MPPED2: variants seen among roughly 807,000 people sequenced by gnomAD.
MPPED2 encodes the protein metallophosphoesterase domain containing 2, also known as metallophosphoesterase MPPED2.
Under a neutral mutation model 33.0 loss-of-function variants are expected in MPPED2, and 5 were observed. That is an observed-to-expected ratio of 0.15 (90% confidence interval 0.08 to 0.32). MPPED2 has a LOEUF of 0.32. MPPED2 is among the 10% of genes least tolerant of loss of function. The probability of loss-of-function intolerance (pLI) is 1.00; values close to 1 mark genes in which losing one functional copy is unlikely to be tolerated. For missense variants in MPPED2, 275 were observed against 372.1 expected (o/e 0.74, Z 2.15); for synonymous variants, 136 against 141.9 (o/e 0.96, Z 0.29).
chr11:30,417,141 C>A (rs1390692440), intron 5 of MPPED2, among the ~76,000 whole-genome samples: 1 of 152,192 alleles, frequency 6.6e-6, no homozygotes, highest in Non-Finnish European at 1.5e-5. Flanking sequence ...AAATTTCCAT[C>A]ATTTCATTGC....
At chr11:30,420,379 A>G (rs777297071) in intron 4 of MPPED2, among the ~76,000 whole-genome samples, 2 of 152,242 alleles carry the variant, frequency 1.3e-5, no homozygotes, top group Non-Finnish European at 2.9e-5. Flanking sequence ...CCTCCAAAAA[A>G]ATGCAGCCCT....
downstream of MPPED2, among the ~76,000 whole-genome samples, chr11:30,408,784 C>T (rs7941828): frequency 0.3 from 45,973 of 152,018 alleles, 7,357 homozygotes; most frequent in Middle Eastern, 0.38. Context: ...TGTGACCTTA[C>T]GCAGGATTCT....
intron 3 of MPPED2, among the ~76,000 whole-genome samples, chr11:30,532,309 G>A (rs1269262080): frequency 3.3e-5 from 5 of 152,194 alleles, no homozygotes; most frequent in Non-Finnish European, 7.3e-5. Context: ...TAGGAGGTAG[G>A]ACTCCATGGC....
intron 2 of MPPED2, among the ~76,000 whole-genome samples, chr11:30,576,888 A>G (rs1273500923): frequency 1.3e-5 from 2 of 152,006 alleles, no homozygotes; most frequent in Admixed American, 6.6e-5. Context: ...TCTAAAAAAA[A>G]AAAACTTCCC....
At chr11:30,523,530 A>G (rs1459155009) in intron 3 of MPPED2, among the ~76,000 whole-genome samples, 1 of 152,062 alleles carries the variant, frequency 6.6e-6, no homozygotes, top group South Asian at 2.1e-4. Context: ...ACATCTTCCA[A>G]TAAGGCGCCT....
intron 3 of MPPED2, among the ~76,000 whole-genome samples, chr11:30,501,789 C>G (rs1489135758): frequency 6.6e-6 from 1 of 152,174 alleles, no homozygotes; most frequent in Non-Finnish European, 1.5e-5. Context: ...AATGTTAAAA[C>G]AAACACATAG....
At chr11:30,489,049 CTCCT>C (rs1565118212) in intron 4 of MPPED2, among the ~76,000 whole-genome samples, 1 of 82,106 alleles carries the variant, frequency 1.2e-5, no homozygotes, top group East Asian at 4.5e-4. Flanking sequence ...TCTTCTTCTT[CTCCT>C]TTTTTTTTTT....
chr11:30,417,756 C>A (rs1417169101), intron 4 of MPPED2, 123 bp from the exon 5 acceptor site: 2 of 630,518 alleles, frequency 3.2e-6, no homozygotes, highest in Non-Finnish European at 5.8e-6. Context: ...TGATGGTTGG[C>A]CCTGGCAGCA....
chr11:30,405,241 C>T (rs1947972038), downstream of MPPED2, among the ~76,000 whole-genome samples: 2 of 152,198 alleles, frequency 1.3e-5, no homozygotes, highest in Non-Finnish European at 2.9e-5. Flanking sequence ...AACTGAAAAG[C>T]TCAACCTATT....
intron 6 of MPPED2, among the ~76,000 whole-genome samples, chr11:30,396,215 A>G (rs1480094486): frequency 1.3e-5 from 2 of 152,154 alleles, no homozygotes; most frequent in African/African-American, 4.8e-5. Flanking sequence ...TTCATGGACA[A>G]TATAACCTTG....
intron 1 of MPPED2, among the ~76,000 whole-genome samples, chr11:30,583,553 T>C (rs1245222616): frequency 6.6e-6 from 1 of 152,132 alleles, no homozygotes; most frequent in Non-Finnish European, 1.5e-5. Flanking sequence ...ATCATGTGAG[T>C]ACATTTTGCA....
At chr11:30,493,307 C>T (rs1156282672) in intron 4 of MPPED2, among the ~76,000 whole-genome samples, 1 of 149,924 alleles carries the variant, frequency 6.7e-6, no homozygotes, top group Non-Finnish European at 1.5e-5. Flanking sequence ...GAAGGCGGAG[C>T]TTGCAGTGAG....
chr11:30,562,552 C>T (rs570860119), intron 2 of MPPED2, among the ~76,000 whole-genome samples: 17 of 152,242 alleles, frequency 1.1e-4, no homozygotes, highest in South Asian at 4.1e-4. Flanking sequence ...CTAAGGCAGA[C>T]GCCCAAAAAA....
intron 3 of MPPED2, among the ~76,000 whole-genome samples, chr11:30,530,637 T>C (rs1030785949): frequency 1.3e-5 from 2 of 151,942 alleles, no homozygotes; most frequent in African/African-American, 4.8e-5. Flanking sequence ...ATTTGAAAAA[T>C]GGGAAGAAAC....
chr11:30,436,717 C>T (rs1173035451), intron 4 of MPPED2, among the ~76,000 whole-genome samples: 1 of 152,184 alleles, frequency 6.6e-6, no homozygotes, highest in Non-Finnish European at 1.5e-5. Flanking sequence ...CTTCAAACAA[C>T]AAAATGAGTA....
chr11:30,442,914 G>C lies in MPPED2; in HGVS notation c.537-25281C>G, dbSNP rs1949645481. Reference sequence around the variant, plus strand: ...CTGTAGCTCCAGCTACTCCTGCTTGGGCCAGGAGTTTGAGGCAGTAGCGAG... The same window carrying C: ...CTGTAGCTCCAGCTACTCCTGCTTGCGCCAGGAGTTTGAGGCAGTAGCGAG... On this transcript the variant is annotated intron_variant, in intron 4 of 6. Coordinates refer to ENST00000358117, the MANE Select transcript of MPPED2 (RefSeq NM_001584.3). Among the ~76,000 whole-genome samples the C allele has an allele frequency of 2.0e-5, 3 of 152,168 alleles. No homozygotes were observed. In the South Asian group the frequency reaches 6.2e-4, roughly 32 times the overall value.
chr11:30,442,737 C>T (rs762153143), intron 4 of MPPED2, among the ~76,000 whole-genome samples: 22 of 152,282 alleles, frequency 1.4e-4, no homozygotes, highest in Admixed American at 3.9e-4. Flanking sequence ...AAGCCAGGCA[C>T]GGTGACTCAC....
intron 3 of MPPED2, among the ~76,000 whole-genome samples, chr11:30,497,887 C>T (rs927366962): frequency 5.9e-5 from 9 of 152,072 alleles, no homozygotes; most frequent in Non-Finnish European, 1.2e-4. Flanking sequence ...CATCTTTTTC[C>T]GAGAATCCAG....
At chr11:30,437,699 G>A (rs532428811) in intron 4 of MPPED2, among the ~76,000 whole-genome samples, 6 of 152,114 alleles carry the variant, frequency 3.9e-5, no homozygotes, top group African/African-American at 7.2e-5. Flanking sequence ...TTAGTCCTAT[G>A]GTTCAGCTAT....
Sources: allele counts gnomAD v4.1 joint callset (sites outside exome capture counted in the v4.1 genomes callset), GRCh38; gene constraint gnomAD v4.1.1; transcripts MANE v1.5; gene names NCBI Gene and HGNC (gene_info 2026-07-23, HGNC 2026-07-21).